IL1RAPL2: variants seen among roughly 807,000 people sequenced by gnomAD.
The protein encoded by IL1RAPL2 is interleukin 1 receptor accessory protein like 2.
IL1RAPL2 carries 3 observed loss-of-function variants against 44.1 expected under a neutral mutation model. The ratio of observed to expected loss-of-function variants is 0.07; its 90% CI spans 0.03 to 0.18. IL1RAPL2 has a LOEUF of 0.18. Ranked by LOEUF, IL1RAPL2 falls within the 10% of genes least tolerant of loss-of-function variation. IL1RAPL2 has a pLI of 1.00. For synonymous variants in IL1RAPL2, 181 were observed against 178.8 expected (o/e 1.01, Z -0.10); for missense variants, 391 against 496.4 (o/e 0.79, Z 2.02).
At chrX:105,252,663 A>G (rs2034280144) in intron 4 of IL1RAPL2, among the ~76,000 whole-genome samples, 2 of 111,803 alleles carry the variant, frequency 1.8e-5, no homozygotes, top group South Asian at 3.7e-4. Flanking sequence ...TTAGAAATAC[A>G]TATCTGATCA....
At chrX:105,076,552 A>G (rs1224606313) in intron 2 of IL1RAPL2, among the ~76,000 whole-genome samples, 2 of 111,253 alleles carry the variant, frequency 1.8e-5, no homozygotes, top group African/African-American at 6.5e-5. Flanking sequence ...GTAGATGTCT[A>G]TTAGGTCCGC....
chrX:105,675,276 A>C (rs1047468283), intron 6 of IL1RAPL2, among the ~76,000 whole-genome samples: 5 of 111,446 alleles, frequency 4.5e-5, no homozygotes, highest in Non-Finnish European at 7.5e-5. Flanking sequence ...TTGCCCATTC[A>C]ATATGATATT....
At chrX:105,556,035 G>T (rs1246792412) in intron 6 of IL1RAPL2, among the ~76,000 whole-genome samples, 2 of 111,601 alleles carry the variant, frequency 1.8e-5, no homozygotes, top group Non-Finnish European at 3.8e-5. Context: ...AACAGGCCAA[G>T]ATTATGTTAG....
intron 2 of IL1RAPL2, among the ~76,000 whole-genome samples, chrX:104,720,595 A>G (rs1467681984): frequency 9.0e-6 from 1 of 111,477 alleles, no homozygotes; most frequent in Non-Finnish European, 1.9e-5. Context: ...AGTTCATGGT[A>G]GTTAAAGACT....
intron 2 of IL1RAPL2, among the ~76,000 whole-genome samples, chrX:104,692,029 C>G (rs185210287): frequency 3.6e-5 from 4 of 111,848 alleles, no homozygotes; most frequent in Non-Finnish European, 5.6e-5. Context: ...GAATCTTGCT[C>G]TCTTGCTTGT....
chrX:104,908,505 A>G (rs1199889442), intron 2 of IL1RAPL2, among the ~76,000 whole-genome samples: 13 of 110,984 alleles, frequency 1.2e-4, no homozygotes, highest in African/African-American at 4.3e-4. Flanking sequence ...CCTGGTGGTG[A>G]CAAAATCTCT....
intron 2 of IL1RAPL2, among the ~76,000 whole-genome samples, chrX:105,030,476 A>T (rs749976163): frequency 1.3e-4 from 15 of 111,918 alleles, no homozygotes; most frequent in South Asian, 3.7e-4. Context: ...CTAGCCAGTT[A>T]TCCCAGCACC....
intron 2 of IL1RAPL2, among the ~76,000 whole-genome samples, chrX:104,941,164 T>G (rs1183462455): frequency 8.1e-5 from 9 of 110,728 alleles, no homozygotes; most frequent in South Asian, 7.9e-4. Flanking sequence ...AATAAACATA[T>G]GTGTGCACGT....
intron 2 of IL1RAPL2, among the ~76,000 whole-genome samples, chrX:105,074,049 G>C (rs781575646): frequency 2.8e-4 from 31 of 111,541 alleles, no homozygotes; most frequent in African/African-American, 9.8e-4. Flanking sequence ...AGTTTAATTA[G>C]ATCCCATTTG....
chrX:104,819,079 G>C (rs1921228932), intron 2 of IL1RAPL2, among the ~76,000 whole-genome samples: 2 of 112,094 alleles, frequency 1.8e-5, no homozygotes, highest in African/African-American at 3.2e-5. Flanking sequence ...GAAAGGCCTT[G>C]GTGAGCAGAT....
At position 104,917,008 on chromosome X, in the gene IL1RAPL2, A is replaced by G. The variant is rs946864213; in HGVS notation, c.82+258013A>G. On this transcript the variant is annotated intron_variant, in intron 2 of 10. Transcript: ENST00000372582. ...GAGGATTTTTGCATTGATGTTCATC[A>G]AAGATATTGGTCTAAAATTCTCTTT... 2.1e-4 allele frequency among the ~76,000 whole-genome samples: 23 copies of G among 111,850 alleles called. 1 individual carries two copies. Among genetic ancestry groups the G allele is most frequent in the African/African-American group, 7.5e-4 (23 of 30,719 alleles).
intron 2 of IL1RAPL2, among the ~76,000 whole-genome samples, chrX:104,914,911 C>T (rs1352252897): frequency 8.9e-6 from 1 of 111,760 alleles, no homozygotes; most frequent in Non-Finnish European, 1.9e-5. Flanking sequence ...TTTTTTATGG[C>T]TGCATAGTAT....
intron 2 of IL1RAPL2, among the ~76,000 whole-genome samples, chrX:105,126,910 A>G (rs1485238517): frequency 9.0e-6 from 1 of 111,401 alleles, no homozygotes; most frequent in Non-Finnish European, 1.9e-5. Context: ...AGTTTCTGCC[A>G]GAAGAGCATC....
chrX:105,764,382 C>T (rs2038712409), intron 10 of IL1RAPL2, among the ~76,000 whole-genome samples: 1 of 111,956 alleles, frequency 8.9e-6, no homozygotes, highest in Admixed American at 9.5e-5. Flanking sequence ...CTTTCCTCAT[C>T]CCAAAAAGAA....
At chrX:105,482,051 T>A (rs1002814661) in intron 5 of IL1RAPL2, among the ~76,000 whole-genome samples, 3 of 112,567 alleles carry the variant, frequency 2.7e-5, no homozygotes, top group African/African-American at 9.7e-5. Flanking sequence ...GCATACTATT[T>A]GGGACCTTGT....
At chrX:105,494,551 A>G (rs1285313242) in intron 6 of IL1RAPL2, among the ~76,000 whole-genome samples, 1 of 111,701 alleles carries the variant, frequency 9.0e-6, no homozygotes, top group Non-Finnish European at 1.9e-5. Context: ...ATTGTCCTCT[A>G]TACTTCATTT....
At chrX:105,379,577 T>G (rs1271880637) in intron 5 of IL1RAPL2, among the ~76,000 whole-genome samples, 1 of 111,588 alleles carries the variant, frequency 9.0e-6, no homozygotes, top group Non-Finnish European at 1.9e-5. Flanking sequence ...ACAGAGCTGT[T>G]AAGAGCATGG....
At chrX:104,711,815 G>A (rs1417101750) in intron 2 of IL1RAPL2, among the ~76,000 whole-genome samples, 1 of 110,939 alleles carries the variant, frequency 9.0e-6, no homozygotes, top group Non-Finnish European at 1.9e-5. Context: ...AAAATCTCTA[G>A]AATAAATGTA....
At chrX:104,577,965 A>G (rs370663087) in intron 1 of IL1RAPL2, among the ~76,000 whole-genome samples, 1 of 111,803 alleles carries the variant, frequency 8.9e-6, no homozygotes, top group Non-Finnish European at 1.9e-5. Context: ...TGGAATTATC[A>G]GAGTCATTCA....
Sources: allele counts gnomAD v4.1 joint callset (sites outside exome capture counted in the v4.1 genomes callset), GRCh38; gene constraint gnomAD v4.1.1; transcripts MANE v1.5; gene names NCBI Gene and HGNC (gene_info 2026-07-23, HGNC 2026-07-21).